SYN2: variants seen among roughly 807,000 people sequenced by gnomAD.
SYN2 encodes the protein synapsin II.
Under a neutral mutation model 50.9 loss-of-function variants are expected in SYN2, and 19 were observed. That is an observed-to-expected ratio of 0.37 (90% CI 0.26 to 0.55). The LOEUF (loss-of-function observed/expected upper bound fraction) is 0.55, where lower values mean the gene tolerates loss of function less well. SYN2 is among the 20% of genes least tolerant of loss of function. SYN2 has a pLI of 0.81. For missense variants in SYN2, 587 were observed against 576.4 expected (o/e 1.02, Z -0.19); for synonymous variants, 255 against 224.9 (o/e 1.13, Z -1.20).
chr3:12,161,985 C>T (rs1040550829), intron 6 of SYN2, 27 bp from the exon 7 acceptor site: 13 of 1,613,120 alleles, frequency 8.1e-6, no homozygotes, highest in Middle Eastern at 1.7e-4. Context: ...TCTCCCTTTC[C>T]CCCTTTCTGC....
At chr3:12,080,403 G>A (rs1243143001) in intron 1 of SYN2, among the ~76,000 whole-genome samples, 4 of 151,694 alleles carry the variant, frequency 2.6e-5, no homozygotes, top group African/African-American at 9.7e-5. Context: ...TTAGGTTGTC[G>A]ATTTGAGATC....
At chr3:12,182,628 T>C (rs1248691296) in intron 10 of SYN2, among the ~76,000 whole-genome samples, 2 of 152,120 alleles carry the variant, frequency 1.3e-5, no homozygotes, top group Admixed American at 6.5e-5. Context: ...CCCTCTAAGG[T>C]AAGGAGGGTT....
At chr3:12,157,277 A>G in intron 5 of SYN2, 1 of 1,002,384 alleles carries the variant, frequency 1.0e-6, no homozygotes, top group Non-Finnish European at 1.5e-6. Flanking sequence ...ATCTAGACCC[A>G]AGGATTACTG....
intron 1 of SYN2, among the ~76,000 whole-genome samples, chr3:12,076,355 AAAGT>A (rs1391618635): frequency 6.6e-6 from 1 of 152,086 alleles, no homozygotes. Flanking sequence ...TTTAGTACAT[AAAGT>A]AATTGTTTTT....
At chr3:12,005,900 G>A (rs1424382658) in intron 1 of SYN2, among the ~76,000 whole-genome samples, 1 of 147,410 alleles carries the variant, frequency 6.8e-6, no homozygotes, top group African/African-American at 2.7e-5. Flanking sequence ...CCTAGGGAAT[G>A]GTGGGATGGT....
At chr3:12,052,102 G>A (rs1370306556) in intron 1 of SYN2, among the ~76,000 whole-genome samples, 2 of 152,118 alleles carry the variant, frequency 1.3e-5, no homozygotes, top group African/African-American at 4.8e-5. Context: ...ATATGGGATC[G>A]ATATTCACAT....
intron 11 of SYN2, 34 bp from the exon 12 acceptor site, chr3:12,187,335 T>A: frequency 6.7e-7 from 1 of 1,493,206 alleles, no homozygotes; most frequent in South Asian, 1.3e-5. Flanking sequence ...TTTTATATGG[T>A]TAAATTATGA....
At chr3:12,178,643 CACA>C (rs1350818037) in intron 10 of SYN2, among the ~76,000 whole-genome samples, 1 of 152,248 alleles carries the variant, frequency 6.6e-6, no homozygotes, top group East Asian at 1.9e-4. Flanking sequence ...CAGGAAACCA[CACA>C]ACAATATCTT....
chr3:12,150,829 A>C (rs959060569), intron 4 of SYN2, among the ~76,000 whole-genome samples: 1 of 152,086 alleles, frequency 6.6e-6, no homozygotes, highest in African/African-American at 2.4e-5. Flanking sequence ...CATGTCACCT[A>C]TCCAGCTTCA....
At chr3:12,099,257 C>G (rs539851227) in intron 1 of SYN2, among the ~76,000 whole-genome samples, 1 of 152,226 alleles carries the variant, frequency 6.6e-6, no homozygotes, top group African/African-American at 2.4e-5. Flanking sequence ...AGTAGAATGC[C>G]TATTCTTCTC....
chr3:12,147,226 T>G, intron 4 of SYN2, among the ~76,000 whole-genome samples: 1 of 151,718 alleles, frequency 6.6e-6, no homozygotes, highest in East Asian at 1.9e-4. Flanking sequence ...TATGTGTGTG[T>G]GTTAACCAAA....
At chr3:12,041,662 G>T (rs1279122797) in intron 1 of SYN2, among the ~76,000 whole-genome samples, 1 of 152,166 alleles carries the variant, frequency 6.6e-6, no homozygotes, top group Non-Finnish European at 1.5e-5. Context: ...CCTCCTGCCA[G>T]TCTAAGGTGT....
intron 7 of SYN2, among the ~76,000 whole-genome samples, chr3:12,163,015 C>T (rs1167678827): frequency 4.6e-5 from 7 of 151,992 alleles, no homozygotes; most frequent in East Asian, 1.9e-4. Flanking sequence ...CCGAGGCGGG[C>T]GGATCACGAG....
In SYN2 at chr3:12,145,743, T is replaced by C. The variant is rs778567784; in HGVS notation, c.592T>C (p.Phe198Leu). The change falls in exon 4 of 13, where the codon TTC becomes CTC. Residue 198 changes from phenylalanine (F) to leucine (L), a missense_variant. Physicochemically the swap from Phe to Leu is conservative, Grantham distance 22. Coordinates refer to ENST00000621198, the MANE Select transcript of SYN2 (RefSeq NM_133625.6). ...ATTTGGCATGGCGGAGAATGAGGACTTCCGCCACCTGATCATTGGTATGCA... is the reference window on the plus strand; with the variant it reads ...ATTTGGCATGGCGGAGAATGAGGACCTCCGCCACCTGATCATTGGTATGCA... ...HAFGMAENEDFRHLIIGMQYA... is the reference protein window; with the variant it reads ...HAFGMAENEDLRHLIIGMQYA... 2 of 1,614,014 alleles carry C rather than the reference T, an allele frequency of 1.2e-6. No homozygotes were observed. The highest frequency in any genetic ancestry group is 1.7e-6 in the Non-Finnish European group (2 of 1,179,882).
intron 2 of SYN2, among the ~76,000 whole-genome samples, chr3:12,141,214 T>A (rs1292411271): frequency 6.7e-6 from 1 of 148,466 alleles, no homozygotes; most frequent in African/African-American, 2.5e-5. Context: ...TTTTTTTTTT[T>A]AACCTTCCTC....
At chr3:12,156,181 C>T (rs780045169) in intron 5 of SYN2, among the ~76,000 whole-genome samples, 2 of 152,280 alleles carry the variant, frequency 1.3e-5, no homozygotes, top group East Asian at 3.9e-4. Context: ...TTTTCTTTCC[C>T]TTGCTTTCTT....
rs748074762 is a variant in SYN2 at position 12,169,919 on chromosome 3, G to A, written c.1308+13G>A. 4.4e-6 allele frequency: 7 copies of A among 1,598,098 alleles called. No homozygotes were observed. The highest frequency in any genetic ancestry group is 1.1e-5 in the South Asian group (1 of 88,782). On this transcript the variant is annotated intron_variant, in intron 10 of 12. Coordinates refer to ENST00000621198, the MANE Select transcript of SYN2 (RefSeq NM_133625.6). ...CCAGCAGCCACAGGTAAGCAGCTAG[G>A]AAGAGACATAGCAGAGCCAAGAACC...
chr3:12,172,875 C>T (rs1006931523), intron 10 of SYN2, among the ~76,000 whole-genome samples: 1 of 152,192 alleles, frequency 6.6e-6, no homozygotes, highest in Non-Finnish European at 1.5e-5. Flanking sequence ...CTTTACTATA[C>T]ACATGATTAA....
chr3:12,064,676 GAT>G (rs1306172099), intron 1 of SYN2, among the ~76,000 whole-genome samples: 1 of 152,060 alleles, frequency 6.6e-6, no homozygotes, highest in Non-Finnish European at 1.5e-5. Context: ...GCCACAATGA[GAT>G]ATAACTTTAC....
Sources: allele counts gnomAD v4.1 joint callset (sites outside exome capture counted in the v4.1 genomes callset), GRCh38; gene constraint gnomAD v4.1.1; transcripts MANE v1.5; gene names NCBI Gene and HGNC (gene_info 2026-07-23, HGNC 2026-07-21).